Variants in SEZ6L observed in about 807,000 individuals in gnomAD.
SEZ6L encodes the protein seizure 6-like protein.
A neutral mutation model predicts 106.2 loss-of-function variants in SEZ6L; 37 were observed. The observed-to-expected ratio is 0.35, with a 90% CI of 0.27 to 0.46. The LOEUF (loss-of-function observed/expected upper bound fraction) is 0.46. SEZ6L is among the 20% of genes least tolerant of loss of function. The pLI, the probability that SEZ6L is intolerant of heterozygous loss-of-function variation, is 1.00. For synonymous variants in SEZ6L, 541 were observed against 570.4 expected (o/e 0.95, Z 0.73); for missense variants, 1,172 against 1,332.8 (o/e 0.88, Z 1.88).
intron 1 of SEZ6L, among the ~76,000 whole-genome samples, chr22:26,179,429 C>T (rs564046042): frequency 3.5e-4 from 54 of 152,282 alleles, no homozygotes; most frequent in Admixed American, 1.6e-3. Flanking sequence ...TTACCCCTTT[C>T]ACCATGAGAG....
intron 1 of SEZ6L, among the ~76,000 whole-genome samples, chr22:26,247,644 C>T (rs2079407275): frequency 6.6e-6 from 1 of 152,142 alleles, no homozygotes; most frequent in Non-Finnish European, 1.5e-5. Flanking sequence ...AAAGACATGG[C>T]CCTCCTGACA....
Position 26,260,013 on chromosome 22 carries a change from C to A in SEZ6L, c.95-32393C>A, listed in dbSNP as rs148090813. 7.9e-5 allele frequency among the ~76,000 whole-genome samples: 12 copies of A among 152,266 alleles called. No individual in the cohort carries two copies. The East Asian group carries it at 1.9e-3, about 24-fold the overall frequency. On this transcript the variant is annotated intron_variant, in intron 1 of 16. Transcript: ENST00000248933. ...ATTACAACTACCCACCTCCCATATC[C>A]TGATTTGGCATGCTTAGGGTTATTA...
intron 6 of SEZ6L, 144 bp downstream of exon 6, chr22:26,306,288 A>G: frequency 1.1e-6 from 1 of 881,116 alleles, no homozygotes; most frequent in South Asian, 1.8e-5. Context: ...CAAAGATCTT[A>G]GACACCATCA....
intron 1 of SEZ6L, among the ~76,000 whole-genome samples, chr22:26,247,705 T>TTA (rs1204149394): frequency 6.6e-6 from 1 of 152,202 alleles, no homozygotes; most frequent in African/African-American, 2.4e-5. Flanking sequence ...TATATTTCTG[T>TTA]TATTCTAAAC....
rs191223550 is a variant in SEZ6L, at chr22:26,326,771, G to A, written c.2015+12869G>A. 3.3e-3 allele frequency among the ~76,000 whole-genome samples: 501 copies of A among 152,358 alleles called. 1 individual carries two copies. The highest frequency in any genetic ancestry group is 6.2e-3 in the Non-Finnish European group (423 of 68,030). Reference sequence around the variant, plus strand: ...GTTTAGACAGCACCCCTGGGAGGAAGGCAGAGGTGGGCCGAGGTGGCAGGA... The same window carrying A: ...GTTTAGACAGCACCCCTGGGAGGAAAGCAGAGGTGGGCCGAGGTGGCAGGA... On this transcript the variant is annotated intron_variant, in intron 9 of 16. Transcript: ENST00000248933.
intron 1 of SEZ6L, among the ~76,000 whole-genome samples, chr22:26,249,052 A>C (rs1368374154): frequency 6.6e-6 from 1 of 152,228 alleles, no homozygotes; most frequent in Non-Finnish European, 1.5e-5. Flanking sequence ...TTTAATTGAC[A>C]TATAATAATC....
chr22:26,314,111 G>GAGAGGA (rs1556340842), intron 9 of SEZ6L, among the ~76,000 whole-genome samples: 1 of 143,472 alleles, frequency 7.0e-6, no homozygotes. Context: ...GAGAGAGAGA[G>GAGAGGA]GAGAGAGAGA....
chr22:26,268,946 C>G lies in SEZ6L; in HGVS notation c.95-23460C>G, dbSNP rs1418413736. 1.3e-5 allele frequency among the ~76,000 whole-genome samples: 2 copies of G among 152,204 alleles called. 1 individual carries two copies. The highest frequency in any genetic ancestry group is 3.9e-4 in the East Asian group (2 of 5,190). ...GAGGGCTTTTGCCCAGCCCTTTAGT[C>G]TCTCTGAGCCTCAATTCTTTTATCT... On this transcript the variant is annotated intron_variant, in intron 1 of 16. Coordinates refer to ENST00000248933, the MANE Select transcript of SEZ6L (RefSeq NM_021115.5).
At chr22:26,362,809 A>G (rs772626058) in intron 12 of SEZ6L, among the ~76,000 whole-genome samples, 18 of 152,152 alleles carry the variant, frequency 1.2e-4, no homozygotes, top group Non-Finnish European at 2.6e-4. Context: ...ACAGTTCATA[A>G]CTCCCAGGGA....
chr22:26,352,488 C>T lies in SEZ6L; in HGVS notation c.2599+1245C>T, dbSNP rs542535852. 3.3e-5 allele frequency among the ~76,000 whole-genome samples: 5 copies of T among 152,282 alleles called. No individual in the cohort carries two copies. In the East Asian group the frequency reaches 9.7e-4, roughly 29 times the overall value. ...GAGTTGATTATAAATTCCCCTACAT[C>T]TGATGTGAGTAACACTGTGTACAAT... On this transcript the variant is annotated intron_variant, in intron 12 of 16. Transcript: ENST00000248933.
chr22:26,233,060 T>C (rs2145750240), intron 1 of SEZ6L, among the ~76,000 whole-genome samples: 1 of 152,366 alleles, frequency 6.6e-6, no homozygotes, highest in South Asian at 2.1e-4. Flanking sequence ...ACACAAATTT[T>C]CCATTCAAAA....
intron 1 of SEZ6L, among the ~76,000 whole-genome samples, chr22:26,203,569 A>G (rs905951446): frequency 6.6e-6 from 1 of 152,224 alleles, no homozygotes; most frequent in Non-Finnish European, 1.5e-5. Flanking sequence ...GTCTTCCTAT[A>G]TAAAATAAGG....
rs758891792 is a variant in SEZ6L, at chr22:26,292,474, G to A, written c.163G>A (p.Gly55Ser). 1 of 1,613,960 alleles carries A rather than the reference G, an allele frequency of 6.2e-7. No homozygotes were observed. ...CCTGCCCTCAGGAGCCCCGGAGAGA[G>A]GCAGTCCTGGCAAAGAGCACCCTGA... ...YLLPSGAPERGSPGKEHPEER... is the reference protein window; with the variant it reads ...YLLPSGAPERSSPGKEHPEER... The change falls in exon 2 of 17, where the codon GGC becomes AGC. Residue 55 changes from glycine (G) to serine (S), a missense_variant. Physicochemically the swap from Gly to Ser is moderately conservative, Grantham distance 56. This residue lies in a region of SEZ6L where 494 missense variants were observed against 445.8 expected (regional missense o/e 1.11). Coordinates refer to ENST00000248933, the MANE Select transcript of SEZ6L (RefSeq NM_021115.5).
At chr22:26,335,904 T>C (rs1207900672) in intron 9 of SEZ6L, among the ~76,000 whole-genome samples, 3 of 152,180 alleles carry the variant, frequency 2.0e-5, no homozygotes, top group Admixed American at 2.0e-4. Context: ...CTAGGCTTAA[T>C]GTGAGGGTGA....
chr22:26,331,991 GAATTT>G (rs1341102863), intron 9 of SEZ6L, among the ~76,000 whole-genome samples: 1 of 151,534 alleles, frequency 6.6e-6, no homozygotes, highest in African/African-American at 2.4e-5. Context: ...TCTCAAAAAA[GAATTT>G]AATTTAATTT....
intron 1 of SEZ6L, among the ~76,000 whole-genome samples, chr22:26,217,505 G>A (rs1466347914): frequency 6.6e-6 from 1 of 152,212 alleles, no homozygotes; most frequent in Non-Finnish European, 1.5e-5. Context: ...TCAGACCTCA[G>A]TGTAAGTGTC....
At chr22:26,241,610 G>C (rs1264170560) in intron 1 of SEZ6L, among the ~76,000 whole-genome samples, 1 of 152,158 alleles carries the variant, frequency 6.6e-6, no homozygotes, top group Non-Finnish European at 1.5e-5. Context: ...TGACACAGAG[G>C]CAATCCTGCT....
chr22:26,234,232 T>C (rs994041841), intron 1 of SEZ6L, among the ~76,000 whole-genome samples: 9 of 152,100 alleles, frequency 5.9e-5, no homozygotes, highest in African/African-American at 2.2e-4. Flanking sequence ...TCTTGGGAAG[T>C]TCCCAGGAAA....
In SEZ6L at chr22:26,292,818, C is replaced by T. The variant is rs752344957; in HGVS notation, c.507C>T (p.Asp169=). The change falls in exon 2 of 17, where the codon GAC becomes GAT. Residue 169 remains aspartate (D), a synonymous_variant. Coordinates refer to ENST00000248933, the MANE Select transcript of SEZ6L (RefSeq NM_021115.5). ...SSTEKPGPPG[D]PDPIVASEEA... ...CGGAGAAGCCTGGCCCACCGGGGGA[C>T]CCGGACCCCATCGTGGCCTCCGAGG... is the stretch of plus-strand genomic sequence containing the variant. The T allele has an allele frequency of 6.2e-7, 1 of 1,613,868 alleles. No individual in the cohort carries two copies. Among genetic ancestry groups the T allele is most frequent in the African/African-American group, 1.3e-5 (1 of 74,960 alleles).
Sources: allele counts gnomAD v4.1 joint callset (sites outside exome capture counted in the v4.1 genomes callset), GRCh38; gene constraint gnomAD v4.1.1; regional missense constraint gnomAD v4.1.1; transcripts MANE v1.5; gene names NCBI Gene and HGNC (gene_info 2026-07-23, HGNC 2026-07-21).